The following MAP2K2 variants were observed in gnomAD, a reference collection of about 807,000 sequenced individuals.
The protein encoded by MAP2K2 is mitogen-activated protein kinase kinase 2, also known as dual specificity mitogen-activated protein kinase kinase 2.
In MAP2K2, 24 loss-of-function variants were observed where a neutral mutation model predicts 43.7. The observed-to-expected ratio is 0.55, with a 90% confidence interval of 0.40 to 0.77. The LOEUF is 0.77. Among genes scored for constraint, MAP2K2 ranks in the 30% least tolerant of loss-of-function variants. MAP2K2 has a pLI of 0.00. For synonymous variants in MAP2K2, 244 were observed against 239.7 expected, an observed-to-expected ratio of 1.02 and a Z score of -0.17; for missense variants, 470 against 566.8, an observed-to-expected ratio of 0.83 and a Z score of 1.73.
rs1373788720 is a variant in MAP2K2 at position 4,103,927 on chromosome 19, T to C, written c.451-1474A>G. 5.9e-5 allele frequency among the ~76,000 whole-genome samples: 9 copies of C among 152,148 alleles called. No individual in the cohort carries two copies. In the East Asian group the frequency reaches 1.7e-3, roughly 29 times the overall value. On this transcript the variant is annotated intron_variant, in intron 3 of 10. Coordinates refer to ENST00000262948, the MANE Select transcript of MAP2K2 (RefSeq NM_030662.4). ...AGGGCCAGGTGGAAGCTGCTTCTAT[T>C]CTCAGTTTTTATCAATCTACCTTAA...
At chr19:4,093,773 T>A (rs1277793343) in intron 10 of MAP2K2, among the ~76,000 whole-genome samples, 1 of 152,186 alleles carries the variant, frequency 6.6e-6, no homozygotes, top group Non-Finnish European at 1.5e-5. Flanking sequence ...CATCTCTTCT[T>A]TTCTTACAGG....
At chr19:4,122,074 C>CA (rs2041305568) in intron 1 of MAP2K2, among the ~76,000 whole-genome samples, 1 of 144,282 alleles carries the variant, frequency 6.9e-6, no homozygotes, top group South Asian at 2.3e-4. Flanking sequence ...ACTCATTCCC[C>CA]AAAAGGACCG....
At chr19:4,095,565 C>T (rs2040907178) in intron 8 of MAP2K2, 116 bp from the exon 9 acceptor site, 1 of 772,150 alleles carries the variant, frequency 1.3e-6, no homozygotes, top group Non-Finnish European at 2.1e-6. Context: ...GCCTGGCCGA[C>T]ACCACATGCC....
chr19:4,094,362 C>A, intron 10 of MAP2K2, 91 bp downstream of exon 10: 1 of 1,407,124 alleles, frequency 7.1e-7, no homozygotes, highest in South Asian at 1.2e-5. Flanking sequence ...TGCTGGCTCC[C>A]CGGGCAGGGC....
chr19:4,111,922 C>T (rs1489937598), intron 2 of MAP2K2, among the ~76,000 whole-genome samples: 8 of 152,150 alleles, frequency 5.3e-5, no homozygotes, highest in Admixed American at 5.2e-4. Context: ...CATTGCACTC[C>T]AGCCTGGGGG....
chr19:4,123,713 T>C (rs1481515847), intron 1 of MAP2K2, 71 bp downstream of exon 1: 1 of 769,952 alleles, frequency 1.3e-6, no homozygotes, highest in South Asian at 2.0e-5. Context: ...CCCCGTCCCC[T>C]CGCCCCGTCC....
At position 4,123,861 on chromosome 19, in the gene MAP2K2, C is replaced by T; in HGVS notation, c.15G>A (p.Arg5=). ...TGGTGAGCGCCGGCAGCACCGGCTT[C>T]CTCCGGGCCAGCATCGGGGCTCCGC... MLAR[R]KPVLPALTIN... Residue 5 remains arginine (R), a synonymous_variant, in exon 1 of 11, where the codon AGG becomes AGA. Transcript: ENST00000262948. 4.7e-6 allele frequency: 7 copies of T among 1,502,856 alleles called. No individual in the cohort carries two copies. Among genetic ancestry groups the T allele is most frequent in the Non-Finnish European group, 6.2e-6 (7 of 1,126,772 alleles). 93.1% of individuals were successfully genotyped at this position (1,502,856 alleles called of 1,614,324 possible).
intron 2 of MAP2K2, among the ~76,000 whole-genome samples, chr19:4,114,846 C>T (rs1309134628): frequency 6.6e-6 from 1 of 152,124 alleles, no homozygotes; most frequent in East Asian, 1.9e-4. Flanking sequence ...AGGAGAATCG[C>T]TTGAACCTGT....
chr19:4,111,453 C>T (rs1285739357), intron 2 of MAP2K2, among the ~76,000 whole-genome samples: 3 of 152,176 alleles, frequency 2.0e-5, no homozygotes, highest in African/African-American at 7.2e-5. Context: ...CCCTCCAGGC[C>T]TCTCTCCACT....
At position 4,099,191 on chromosome 19, in the gene MAP2K2, C is replaced by T. The variant is rs780890887; in HGVS notation, c.919+10G>A. 48 of 1,594,600 alleles carry T rather than the reference C, an allele frequency of 3.0e-5. No individual in the cohort carries two copies. The African/African-American group carries it at 5.5e-4, about 18-fold the overall frequency. ...GCGTCCAGACCGGAAGTTGCAGATT[C>T]AGGCCGTACCGCTGACGGGGCGCCC... On this transcript the variant is annotated intron_variant, in intron 7 of 10. Coordinates refer to ENST00000262948, the MANE Select transcript of MAP2K2 (RefSeq NM_030662.4).
chr19:4,103,734 C>A (rs1599293394), intron 3 of MAP2K2, among the ~76,000 whole-genome samples: 1 of 152,196 alleles, frequency 6.6e-6, no homozygotes. Context: ...AGAGAAAGGC[C>A]GAAGGCAGTT....
At chr19:4,113,964 C>T (rs1199353098) in intron 2 of MAP2K2, among the ~76,000 whole-genome samples, 1 of 152,228 alleles carries the variant, frequency 6.6e-6, no homozygotes, top group Non-Finnish European at 1.5e-5. Flanking sequence ...GCAGCCCACA[C>T]TGCGCTTCCA....
At position 4,115,663 on chromosome 19, in the gene MAP2K2, C is replaced by T. The variant is rs1387930279; in HGVS notation, c.303+1756G>A. On this transcript the variant is annotated intron_variant, in intron 2 of 10. Transcript: ENST00000262948. The surrounding 1 kb of genome is among the most constrained non-coding windows in gnomAD (Gnocchi z 4.1). ...GGGCAGCACTCTAGAGGCCAGAAGA[C>T]AGAGCTGCAGAGCTAAATCCCCGCA... Among the ~76,000 whole-genome samples the T allele has an allele frequency of 6.6e-6, 1 of 152,198 alleles. No individual in the cohort carries two copies. The highest frequency in any genetic ancestry group is 1.5e-5 in the Non-Finnish European group (1 of 68,044).
At chr19:4,103,030 G>A in intron 3 of MAP2K2, 1 of 1,055,694 alleles carries the variant, frequency 9.5e-7, no homozygotes, top group Non-Finnish European at 1.1e-6. Context: ...CCACTGCTGG[G>A]CGTCTGCCCT....
chr19:4,123,703 C>G, intron 1 of MAP2K2, 81 bp downstream of exon 1: 1 of 1,139,410 alleles, frequency 8.8e-7, no homozygotes, highest in African/African-American at 1.7e-5. Context: ...CCTCGCGAAC[C>G]CCCGTCCCCT....
intron 3 of MAP2K2, 36 bp from the exon 4 acceptor site, chr19:4,102,489 G>A (rs376533581): frequency 6.0e-5 from 90 of 1,500,046 alleles, no homozygotes; most frequent in South Asian, 5.4e-4. Flanking sequence ...CAGGCTCTGC[G>A]CAGGTGGCCG....
intron 3 of MAP2K2, among the ~76,000 whole-genome samples, chr19:4,104,996 G>T (rs2145061977): frequency 6.6e-6 from 1 of 152,288 alleles, no homozygotes; most frequent in African/African-American, 2.4e-5. Flanking sequence ...AGGGAGAACT[G>T]CCCCTGGTTG....
At position 4,094,364 on chromosome 19, in the gene MAP2K2, G is replaced by A. The variant is rs560216209; in HGVS notation, c.1092+89C>T. On this transcript the variant is annotated intron_variant, in intron 10 of 10. Coordinates refer to ENST00000262948, the MANE Select transcript of MAP2K2 (RefSeq NM_030662.4). ...TCCTGGTCGCAGGTGCTGGCTCCCC[G>A]GGCAGGGCCAGGCCCAGCAGCCTTA... The A allele has an allele frequency of 1.7e-4, 238 of 1,409,046 alleles. No individual in the cohort carries two copies. In the East Asian group the frequency reaches 2.6e-3, roughly 15 times the overall value. The allele number at this position is 1,409,046 out of a possible 1,614,324, so 87.3% of individuals were successfully genotyped here.
chr19:4,113,612 C>T (rs1415021688), intron 2 of MAP2K2, among the ~76,000 whole-genome samples: 3 of 152,170 alleles, frequency 2.0e-5, no homozygotes, highest in Non-Finnish European at 4.4e-5. Context: ...CACTGGAGCC[C>T]GTATTCTTTC....
Sources: gnomAD v4.1 joint callset for allele counts (sites outside exome capture counted in the v4.1 genomes callset) on GRCh38, gnomAD v4.1.1 for gene constraint, Gnocchi (gnomAD v3.1) non-coding constraint, MANE v1.5 for transcripts, NCBI Gene and HGNC (gene_info 2026-07-23, HGNC 2026-07-21) for gene names.